Variants in MCTP1 observed in about 807,000 individuals in gnomAD.
MCTP1 encodes multiple C2 and transmembrane domain-containing protein 1.
MCTP1 carries 69 observed loss-of-function variants against 120.6 expected under a neutral mutation model. That is an observed-to-expected ratio of 0.57 (90% confidence interval 0.47 to 0.70). The LOEUF is 0.70. Ranked by LOEUF, MCTP1 falls within the 30% of genes least tolerant of loss-of-function variation. MCTP1 has a pLI of 0.00. For missense variants in MCTP1, 1,203 were observed against 1,248.8 expected, an observed-to-expected ratio of 0.96 and a Z score of 0.55; for synonymous variants, 529 against 493.1, an observed-to-expected ratio of 1.07 and a Z score of -0.96.
chr5:95,097,724 C>A (rs1246265161), intron 1 of MCTP1, among the ~76,000 whole-genome samples: 1 of 152,052 alleles, frequency 6.6e-6, no homozygotes, highest in Admixed American at 6.6e-5. Flanking sequence ...TCCAGGTAGC[C>A]TGGATGAAGG....
intron 17 of MCTP1, among the ~76,000 whole-genome samples, chr5:94,840,742 A>G (rs1790835934): frequency 6.6e-6 from 1 of 152,156 alleles, no homozygotes; most frequent in South Asian, 2.1e-4. Context: ...AGACACAAGT[A>G]CTCTTGTAAG....
At chr5:94,738,152 T>C (rs547880346) in intron 19 of MCTP1, among the ~76,000 whole-genome samples, 5 of 152,342 alleles carry the variant, frequency 3.3e-5, no homozygotes, top group African/African-American at 9.6e-5. Context: ...ATTCAGAAGC[T>C]TTATGGATAA....
chr5:94,722,376 C>A (rs1186073101), intron 19 of MCTP1, among the ~76,000 whole-genome samples: 4 of 152,114 alleles, frequency 2.6e-5, no homozygotes, highest in Non-Finnish European at 5.9e-5. Flanking sequence ...AGGAACCCTG[C>A]CATAGTGGTC....
At chr5:94,749,011 A>T (rs775706879) in intron 19 of MCTP1, among the ~76,000 whole-genome samples, 3 of 152,170 alleles carry the variant, frequency 2.0e-5, no homozygotes, top group Non-Finnish European at 4.4e-5. Context: ...TTCTGCTGTA[A>T]TTGTGGCCCC....
At chr5:95,275,497 A>C (rs1759756567) in intron 1 of MCTP1, among the ~76,000 whole-genome samples, 1 of 152,176 alleles carries the variant, frequency 6.6e-6, no homozygotes, top group African/African-American at 2.4e-5. Flanking sequence ...GGAGTTTGAA[A>C]TCCCTGCTTT....
Position 94,842,487 on chromosome 5 carries a change from C to T in MCTP1, c.2436+25846G>A, listed in dbSNP as rs1160724562. ...AACAACAATCTTTTCTTGTCTATGTCTCATTTTATTTCATCTTTCTGATTT... is the reference window on the plus strand; with the variant it reads ...AACAACAATCTTTTCTTGTCTATGTTTCATTTTATTTCATCTTTCTGATTT... On this transcript the variant is annotated intron_variant, in intron 17 of 22. Coordinates refer to ENST00000515393, the MANE Select transcript of MCTP1 (RefSeq NM_024717.7). Among the ~76,000 whole-genome samples, 4 of 152,114 alleles carry T rather than the reference C, an allele frequency of 2.6e-5. No individual in the cohort carries two copies. In the East Asian group the frequency reaches 7.7e-4, roughly 29 times the overall value.
At chr5:95,282,190 A>G (rs1052385215) in intron 1 of MCTP1, among the ~76,000 whole-genome samples, 3 of 152,236 alleles carry the variant, frequency 2.0e-5, no homozygotes, top group African/African-American at 7.2e-5. Context: ...TTTGTATACA[A>G]AATTCATACT....
At chr5:94,718,127 C>A (rs1281896307) in intron 19 of MCTP1, among the ~76,000 whole-genome samples, 1 of 152,154 alleles carries the variant, frequency 6.6e-6, no homozygotes, top group Non-Finnish European at 1.5e-5. Flanking sequence ...TACAAGGCTA[C>A]AGTAGCCAAA....
chr5:94,822,313 G>C (rs1785859716), intron 17 of MCTP1, among the ~76,000 whole-genome samples: 1 of 152,088 alleles, frequency 6.6e-6, no homozygotes, highest in South Asian at 2.1e-4. Context: ...TGCGGTGTTT[G>C]GTTTTCTGTT....
chr5:95,264,266 G>C (rs915169924), intron 1 of MCTP1, among the ~76,000 whole-genome samples: 1 of 152,138 alleles, frequency 6.6e-6, no homozygotes, highest in Non-Finnish European at 1.5e-5. Flanking sequence ...TAACTCAGGT[G>C]CTGTTATTTG....
intron 1 of MCTP1, among the ~76,000 whole-genome samples, chr5:95,195,251 T>C (rs1750249896): frequency 6.6e-6 from 1 of 152,160 alleles, no homozygotes; most frequent in Non-Finnish European, 1.5e-5. Context: ...CTTGGGTTTT[T>C]CCCCCGTGGC....
chr5:95,155,778 A>T (rs541356938), intron 1 of MCTP1, among the ~76,000 whole-genome samples: 164 of 152,296 alleles, frequency 1.1e-3, no homozygotes, highest in African/African-American at 3.8e-3. Flanking sequence ...CATAGTGTTC[A>T]CACCCTATAT....
chr5:94,717,027 G>A (rs1395716966), intron 19 of MCTP1, among the ~76,000 whole-genome samples: 1 of 152,076 alleles, frequency 6.6e-6, no homozygotes, highest in Non-Finnish European at 1.5e-5. Context: ...TTGGGTAGTT[G>A]CGTTAACTAT....
chr5:94,936,708 T>C (rs1219324386), intron 5 of MCTP1, among the ~76,000 whole-genome samples: 2 of 152,044 alleles, frequency 1.3e-5, no homozygotes, highest in Non-Finnish European at 2.9e-5. Flanking sequence ...TCTAGAGAGC[T>C]TAATAAAATA....
intron 2 of MCTP1, among the ~76,000 whole-genome samples, chr5:94,975,570 T>G (rs558282599): frequency 1.3e-5 from 2 of 151,936 alleles, no homozygotes; most frequent in South Asian, 2.1e-4. Context: ...AGCCACCCAG[T>G]CTACAGTATT....
chr5:95,197,361 G>A lies in MCTP1; in HGVS notation c.720+86495C>T, dbSNP rs112723114. ...ACCCATAATAATCTGACTATTCAGCGTTTATTCTATAGAAATCCCCACTTA... is the reference window on the plus strand; with the variant it reads ...ACCCATAATAATCTGACTATTCAGCATTTATTCTATAGAAATCCCCACTTA... On this transcript the variant is annotated intron_variant, in intron 1 of 22. Transcript: ENST00000515393. 7.3e-3 allele frequency among the ~76,000 whole-genome samples: 1,110 copies of A among 152,204 alleles called. 9 individuals are homozygous for A. The highest frequency in any genetic ancestry group is 0.026 in the African/African-American group (1,072 of 41,534).
At chr5:95,128,385 G>A (rs1364058094) in intron 1 of MCTP1, among the ~76,000 whole-genome samples, 2 of 152,182 alleles carry the variant, frequency 1.3e-5, no homozygotes, top group Non-Finnish European at 2.9e-5. Flanking sequence ...ATTCATGTTA[G>A]CATTATGTAT....
intron 2 of MCTP1, among the ~76,000 whole-genome samples, chr5:94,975,732 C>G (rs562381749): frequency 6.6e-6 from 1 of 152,070 alleles, no homozygotes; most frequent in East Asian, 1.9e-4. Flanking sequence ...CTCTCTTCAC[C>G]CCTTTCCCTC....
rs185411485 is a variant in MCTP1 at position 94,909,456 on chromosome 5, A to C, written c.1522-75T>G. The C allele has an allele frequency of 3.2e-3, 4,619 of 1,452,808 alleles. 10 individuals carry two copies. Among genetic ancestry groups the C allele is most frequent in the Non-Finnish European group, 3.6e-3 (3,885 of 1,072,260 alleles). 90.0% of individuals were successfully genotyped at this position (1,452,808 alleles called of 1,614,324 possible). A position where few individuals can be genotyped will look rare whatever the true frequency, so the allele number is the denominator to read the frequency against. Reference sequence around the variant, plus strand: ...AACTTCAACCTGAGACACTAAATCAAACTTTTGGTACTATAGTATCTAGAA... The same window carrying C: ...AACTTCAACCTGAGACACTAAATCACACTTTTGGTACTATAGTATCTAGAA... On this transcript the variant is annotated intron_variant, in intron 9 of 22. Coordinates refer to ENST00000515393, the MANE Select transcript of MCTP1 (RefSeq NM_024717.7).
Sources: allele counts gnomAD v4.1 joint callset (sites outside exome capture counted in the v4.1 genomes callset), GRCh38; gene constraint gnomAD v4.1.1; transcripts MANE v1.5; gene names NCBI Gene and HGNC (gene_info 2026-07-23, HGNC 2026-07-21).